The following CDON variants were observed in gnomAD, a reference collection of about 807,000 sequenced individuals.
The protein encoded by CDON is cell adhesion associated, oncogene regulated.
In CDON, 73 loss-of-function variants were observed where a neutral mutation model predicts 120.9. The observed-to-expected ratio is 0.60, with a 90% CI of 0.50 to 0.73. The LOEUF (loss-of-function observed/expected upper bound fraction) is 0.73. Among genes scored for constraint, CDON ranks in the 30% least tolerant of loss-of-function variants. CDON has a pLI of 0.00. For synonymous variants in CDON, 566 were observed against 573.5 expected, an observed-to-expected ratio of 0.99 and a Z score of 0.19; for missense variants, 1,470 against 1,587.3, an observed-to-expected ratio of 0.93 and a Z score of 1.26.
intron 11 of CDON, among the ~76,000 whole-genome samples, chr11:125,998,480 C>T (rs1205095376): frequency 6.6e-6 from 1 of 152,132 alleles, no homozygotes; most frequent in Non-Finnish European, 1.5e-5. Flanking sequence ...TCTCGCTTCA[C>T]CTCCCACCAT....
In CDON at chr11:126,006,055, G is replaced by A. The variant is rs776668606; in HGVS notation, c.1555C>T (p.Pro519Ser). 1.9e-6 allele frequency: 3 copies of A among 1,613,464 alleles called. No individual in the cohort carries two copies. The East Asian group carries it at 6.7e-5, about 36-fold the overall frequency. The change falls in exon 9 of 20, where the codon CCT becomes TCT. Residue 519 changes from proline (P) to serine (S), a missense_variant and splice_region_variant. Physicochemically the swap from Pro to Ser is moderately conservative, Grantham distance 74. Coordinates refer to ENST00000531738, the MANE Select transcript of CDON (RefSeq NM_001378964.1). ...TQAEASLMVVPFETNTKAETV... is the reference protein window; with the variant it reads ...TQAEASLMVVSFETNTKAETV... The stretch of plus-strand genomic sequence containing the variant: ...TCTGCTTTTGTATTTGTTTCAAAAG[G>A]AACTGCAGGGAGAGAGAGAGGAGAC...
Position 126,052,695 on chromosome 11 carries a change from T to C in CDON, c.-62+9884A>G, listed in dbSNP as rs1489959051. Among the ~76,000 whole-genome samples, 4 of 151,742 alleles carry C rather than the reference T, an allele frequency of 2.6e-5. No individual in the cohort carries two copies. In the East Asian group the frequency reaches 7.8e-4, roughly 29 times the overall value. ...AAAATTAGCCGGGCATGGTGGCAGG[T>C]GCTTGTAATCCCAGCTACTTGGGAG... On this transcript the variant is annotated intron_variant, in intron 1 of 19. Coordinates refer to ENST00000531738, the MANE Select transcript of CDON (RefSeq NM_001378964.1).
chr11:126,005,616 C>A, intron 9 of CDON, 143 bp downstream of exon 9: 1 of 770,204 alleles, frequency 1.3e-6, no homozygotes, highest in Non-Finnish European at 2.2e-6. Flanking sequence ...TCCAGCATGA[C>A]TGGGATCTCT....
rs1404176076 is a variant in CDON, at chr11:125,958,662, T to A, written c.*2280A>T. 1 of 151,680 alleles carries A rather than the reference T, an allele frequency of 6.6e-6. No individual in the cohort carries two copies. Among genetic ancestry groups the A allele is most frequent in the Non-Finnish European group, 1.5e-5 (1 of 67,928 alleles). The allele number at this position is 151,680 out of a possible 1,614,324, so 9.4% of individuals were successfully genotyped here. On this transcript the variant is annotated 3_prime_UTR_variant, in exon 20 of 20. Coordinates refer to ENST00000531738, the MANE Select transcript of CDON (RefSeq NM_001378964.1). ...TATAAATAAAATACAATAAAAAGAA[T>A]AACACTTAAAACAGCGTTACTAATA...
intron 1 of CDON, among the ~76,000 whole-genome samples, chr11:126,051,314 AG>A (rs998560800): frequency 1.4e-4 from 21 of 152,226 alleles, no homozygotes; most frequent in African/African-American, 5.1e-4. Flanking sequence ...CTATCTGGGA[AG>A]ACACACCCTA....
rs2155355 is a variant in CDON, at chr11:125,994,431, T to C, written c.2545-42A>G. ...AAGACTTGTCAAAGAGAAAAATTAATGTAACCTTCTCATTCATTAAGGTTT... is the reference window on the plus strand; with the variant it reads ...AAGACTTGTCAAAGAGAAAAATTAACGTAACCTTCTCATTCATTAAGGTTT... On this transcript the variant is annotated intron_variant, in intron 13 of 19. Transcript: ENST00000531738. 0.31 allele frequency: 326,523 copies of C among 1,065,142 alleles called. 50,092 individuals are homozygous for C. The highest frequency in any genetic ancestry group is 0.34 in the South Asian group (27,076 of 78,934). 66.0% of individuals were successfully genotyped at this position (1,065,142 alleles called of 1,614,324 possible). A position where few individuals can be genotyped will look rare whatever the true frequency, so the allele number is the denominator to read the frequency against.
At chr11:126,043,280 G>A (rs1041041724) in intron 1 of CDON, among the ~76,000 whole-genome samples, 1 of 152,132 alleles carries the variant, frequency 6.6e-6, no homozygotes, top group Non-Finnish European at 1.5e-5. Flanking sequence ...CCACTTAACT[G>A]ACATGAGATG....
Position 126,015,486 on chromosome 11 carries a change from A to G in CDON, c.953T>C (p.Leu318Pro). ...VLEHASISKGLQDQIVSLGAT... is the reference protein window; with the variant it reads ...VLEHASISKGPQDQIVSLGAT... ...ACCCAGAGACACTATCTGATCCTGT[A>G]GTCCTTTAGAAATGGAAGCATGTTC... The change falls in exon 7 of 20, where the codon CTA becomes CCA. Residue 318 changes from leucine (L) to proline (P), a missense_variant. By Grantham distance (98) the Leu-to-Pro change is moderately conservative. Transcript: ENST00000531738. The G allele has an allele frequency of 1.9e-6, 3 of 1,614,096 alleles. No individual in the cohort carries two copies. The highest frequency in any genetic ancestry group is 2.5e-6 in the Non-Finnish European group (3 of 1,179,960).
intron 16 of CDON, 31 bp from the exon 17 acceptor site, chr11:125,981,360 GCA>G (rs375468390): frequency 1.4e-4 from 186 of 1,344,826 alleles, no homozygotes; most frequent in East Asian, 3.9e-4. Context: ...AGACACACAC[GCA>G]CACACACACA....
intron 1 of CDON, among the ~76,000 whole-genome samples, chr11:126,059,021 T>G (rs1349576122): frequency 6.6e-6 from 1 of 152,154 alleles, no homozygotes; most frequent in Admixed American, 6.5e-5. Flanking sequence ...ATAATAATAA[T>G]GTAACAGAAA....
chr11:125,977,295 G>A (rs1471412704), intron 18 of CDON, among the ~76,000 whole-genome samples: 1 of 152,154 alleles, frequency 6.6e-6, no homozygotes, highest in East Asian at 1.9e-4. Context: ...TCTCCAAGAA[G>A]CTCTGTTGCT....
In CDON at chr11:125,958,406, G is replaced by A. The variant is rs374629863; in HGVS notation, c.*2536C>T. 6.6e-6 allele frequency: 1 copy of A among 152,240 alleles called. No homozygotes were observed. Among genetic ancestry groups the A allele is most frequent in the African/African-American group, 2.4e-5 (1 of 41,542 alleles). 9.4% of individuals were successfully genotyped at this position (152,240 alleles called of 1,614,324 possible). A position where few individuals can be genotyped will look rare whatever the true frequency, so the allele number is the denominator to read the frequency against. On this transcript the variant is annotated 3_prime_UTR_variant, in exon 20 of 20. Coordinates refer to ENST00000531738, the MANE Select transcript of CDON (RefSeq NM_001378964.1). ...CTGGTACACAGTAGTTATTCAGCAC[G>A]TGTTAGTGCTGTCTCCCACACTGTA...
At chr11:126,051,766 G>A (rs1948565232) in intron 1 of CDON, among the ~76,000 whole-genome samples, 1 of 150,720 alleles carries the variant, frequency 6.6e-6, no homozygotes, top group Non-Finnish European at 1.5e-5. Context: ...TCCTGCCTCA[G>A]CCTCCCGAGT....
chr11:126,061,400 A>G (rs910878335), intron 1 of CDON, among the ~76,000 whole-genome samples: 6 of 152,180 alleles, frequency 3.9e-5, no homozygotes, highest in African/African-American at 1.2e-4. Context: ...CTTTCATCTT[A>G]TCTTAAAAGT....
chr11:126,013,662 A>T (rs547784067), intron 7 of CDON, among the ~76,000 whole-genome samples: 86 of 151,992 alleles, frequency 5.7e-4, no homozygotes, highest in Admixed American at 2.6e-3. Flanking sequence ...TCCTAATATT[A>T]TTTGTACCTT....
At chr11:125,961,251 G>A in intron 19 of CDON, 146 bp from the exon 20 acceptor site, 1 of 771,864 alleles carries the variant, frequency 1.3e-6, no homozygotes. Flanking sequence ...TTGAATTTGA[G>A]GGCGACAGAA....
intron 6 of CDON, among the ~76,000 whole-genome samples, chr11:126,015,802 T>C (rs1236480897): frequency 6.6e-6 from 1 of 152,226 alleles, no homozygotes; most frequent in Non-Finnish European, 1.5e-5. Context: ...TTTCTAATCC[T>C]GGGCTTCTCT....
At chr11:125,994,139 G>A (rs1025774414) in intron 14 of CDON, 145 bp downstream of exon 14, 1 of 669,654 alleles carries the variant, frequency 1.5e-6, no homozygotes, top group Admixed American at 2.2e-5. Context: ...GGAAAAGGTG[G>A]CTTTCTTTGG....
chr11:126,054,206 A>G (rs569792652), intron 1 of CDON, among the ~76,000 whole-genome samples: 2 of 152,356 alleles, frequency 1.3e-5, no homozygotes, highest in Admixed American at 6.5e-5. Context: ...AGTAACTGTC[A>G]GAAATTTCCC....
Sources: allele counts gnomAD v4.1 joint callset (sites outside exome capture counted in the v4.1 genomes callset), GRCh38; gene constraint gnomAD v4.1.1; transcripts MANE v1.5; gene names NCBI Gene and HGNC (gene_info 2026-07-23, HGNC 2026-07-21).